FBL: variants seen among roughly 807,000 people sequenced by gnomAD.
FBL encodes fibrillarin rRNA 2'-O-methyltransferase, also known as rRNA 2'-O-methyltransferase fibrillarin.
A neutral mutation model predicts 42.2 loss-of-function variants in FBL; 10 were observed. The ratio of observed to expected loss-of-function variants is 0.24; its 90% CI spans 0.15 to 0.40. FBL has a LOEUF of 0.40. Among genes scored for constraint, FBL ranks in the 10% least tolerant of loss-of-function variants. The pLI is 1.00. For synonymous variants in FBL, 165 were observed against 165.4 expected, an observed-to-expected ratio of 1.00 and a Z score of 0.02; for missense variants, 351 against 439.2, an observed-to-expected ratio of 0.80 and a Z score of 1.79.
At chr19:39,844,966 C>T (rs1969232406) in intron 1 of FBL, among the ~76,000 whole-genome samples, 1 of 152,130 alleles carries the variant, frequency 6.6e-6, no homozygotes, top group African/African-American at 2.4e-5. Flanking sequence ...GAGGGAATCA[C>T]AGACCAGAAT....
Position 39,840,796 on chromosome 19 carries a change from GA to G in FBL, c.11-10del. The G allele has an allele frequency of 6.5e-7, 1 of 1,533,398 alleles. No individual in the cohort carries two copies. The highest frequency in any genetic ancestry group is 8.8e-7 in the Non-Finnish European group (1 of 1,138,324). 95.0% of individuals were successfully genotyped at this position (1,533,398 alleles called of 1,614,324 possible). A position where few individuals can be genotyped will look rare whatever the true frequency, so the allele number is the denominator to read the frequency against. ...CCCACGGGGACTGAATCCTGTGGGG[GA>G]AACAAAACAGGAGTCAGGGCAATGA... On this transcript the variant is annotated splice_polypyrimidine_tract_variant and intron_variant, in intron 1 of 8. Coordinates refer to ENST00000221801, the MANE Select transcript of FBL (RefSeq NM_001436.4). The surrounding 1 kb of genome is among the most constrained non-coding windows in gnomAD (Gnocchi z 4.5).
chr19:39,846,211 C>T, intron 1 of FBL, 80 bp downstream of exon 1: 2 of 1,546,790 alleles, frequency 1.3e-6, no homozygotes, highest in Non-Finnish European at 1.8e-6. Context: ...GGCCAAGGCC[C>T]CACCCCTCCG....
intron 1 of FBL, among the ~76,000 whole-genome samples, chr19:39,842,746 G>A (rs981350691): frequency 1.1e-4 from 16 of 152,030 alleles, no homozygotes; most frequent in African/African-American, 3.9e-4. Context: ...AAATCTTTAG[G>A]CTTTAAATTC....
rs1440119010 is a variant in FBL, at chr19:39,836,685, A to T, written c.683-17T>A. On this transcript the variant is annotated splice_polypyrimidine_tract_variant and intron_variant, in intron 6 of 8. Coordinates refer to ENST00000221801, the MANE Select transcript of FBL (RefSeq NM_001436.4). ...CCACCATTGCTAAGGAGAAAGGAGC[A>T]GCAGTTAAAAGTTGGAGTCACAGGG... 6.2e-7 allele frequency: 1 copy of T among 1,601,090 alleles called. No individual in the cohort carries two copies. Among genetic ancestry groups the T allele is most frequent in the South Asian group, 1.1e-5 (1 of 90,638 alleles).
chr19:39,836,474 G>C, intron 7 of FBL, 82 bp downstream of exon 7: 6 of 860,580 alleles, frequency 7.0e-6, no homozygotes, highest in Non-Finnish European at 1.1e-5. Flanking sequence ...TCTGTTTTGG[G>C]TGGCTATTTG....
In FBL at chr19:39,834,532, T is replaced by C. The variant is rs1968985480; in HGVS notation, c.*6A>G. 3 of 1,614,168 alleles carry C rather than the reference T, an allele frequency of 1.9e-6. No homozygotes were observed. Among genetic ancestry groups the C allele is most frequent in the East Asian group, 2.2e-5 (1 of 44,888 alleles). On this transcript the variant is annotated 3_prime_UTR_variant, in exon 9 of 9. Transcript: ENST00000221801. ...ACATCTCTCGCAATCCTGACAGCGC[T>C]GAACTTCAGTTCTTCACCTTGGGGG...
intron 1 of FBL, among the ~76,000 whole-genome samples, chr19:39,843,585 C>T (rs1158337751): frequency 6.6e-6 from 1 of 152,168 alleles, no homozygotes; most frequent in African/African-American, 2.4e-5. Context: ...GCCTGGCCAA[C>T]ATAGTGAAAC....
In FBL at chr19:39,834,738, T is replaced by C. The variant is rs1051189223; in HGVS notation, c.871A>G (p.Met291Val). The C allele has an allele frequency of 6.2e-6, 10 of 1,614,198 alleles. No individual in the cohort carries two copies. Among genetic ancestry groups the C allele is most frequent in the Non-Finnish European group, 8.5e-6 (10 of 1,180,030 alleles). Residue 291 changes from methionine to valine, a missense_variant, in exon 8 of 9, where the codon ATG becomes GTG. Met to Val is a conservative substitution (Grantham distance 21). Transcript: ENST00000221801. ...AGGGTCAACTGCTCCTGCGGCTTCA[T>C]GTTCTCCTGTTGCATCTTTTTCACT... is the stretch of plus-strand genomic sequence containing the variant. Reference protein sequence around the residue: ...SEVKKMQQENMKPQEQLTLEP... With the variant: ...SEVKKMQQENVKPQEQLTLEP...
intron 1 of FBL, among the ~76,000 whole-genome samples, chr19:39,843,343 G>A (rs1210925588): frequency 6.6e-6 from 1 of 152,174 alleles, no homozygotes; most frequent in African/African-American, 2.4e-5. Flanking sequence ...TCCATCAGAT[G>A]GTGACCAGGG....
At chr19:39,839,696 A>T (rs1363609924) in intron 4 of FBL, among the ~76,000 whole-genome samples, 1 of 151,934 alleles carries the variant, frequency 6.6e-6, no homozygotes, top group Non-Finnish European at 1.5e-5. Context: ...GCAGATTCCA[A>T]ATCAGACCTG....
chr19:39,842,148 C>A (rs571727522), intron 1 of FBL, among the ~76,000 whole-genome samples: 8 of 151,500 alleles, frequency 5.3e-5, no homozygotes, highest in Non-Finnish European at 1.0e-4. Flanking sequence ...TGCAGTGACA[C>A]GATCTCGGCT....
At chr19:39,843,792 C>A (rs1350920506) in intron 1 of FBL, among the ~76,000 whole-genome samples, 4 of 152,066 alleles carry the variant, frequency 2.6e-5, no homozygotes, top group Non-Finnish European at 5.9e-5. Context: ...AAAAAAAATG[C>A]AGTGCTCATC....
At chr19:39,837,591 G>C in intron 6 of FBL, 120 bp downstream of exon 6, 1 of 905,738 alleles carries the variant, frequency 1.1e-6, no homozygotes, top group Non-Finnish European at 1.6e-6. Context: ...TTCTATTCCT[G>C]CAGACTCAAG....
At chr19:39,845,390 G>A (rs1351085908) in intron 1 of FBL, among the ~76,000 whole-genome samples, 1 of 152,084 alleles carries the variant, frequency 6.6e-6, no homozygotes, top group Non-Finnish European at 1.5e-5. Context: ...AATCCTAACT[G>A]GCGCCATTTT....
chr19:39,840,318 A>G lies in FBL; in HGVS notation c.293T>C (p.Ile98Thr). The part of the protein sequence containing the change: ...VEPHRHEGVF[I>T]CRGKEDALVT... ...CAGTGCATCTTCCTTTCCTCGACAA[A>G]TGAAGACACCTGGGTGAGGGGATCA... The change falls in exon 4 of 9, where the codon ATT becomes ACT. Residue 98 changes from isoleucine to threonine, a missense_variant. By Grantham distance (89) the Ile-to-Thr change is moderately conservative. Transcript: ENST00000221801. The surrounding 1 kb of genome is among the most constrained non-coding windows in gnomAD (Gnocchi z 4.5). 6.2e-7 allele frequency: 1 copy of G among 1,613,944 alleles called. No individual in the cohort carries two copies. Among genetic ancestry groups the G allele is most frequent in the Non-Finnish European group, 8.5e-7 (1 of 1,179,922 alleles).
At position 39,836,615 on chromosome 19, in the gene FBL, C is replaced by T. The variant is rs1322576153; in HGVS notation, c.736G>A (p.Val246Met). Residue 246 changes from valine to methionine, a missense_variant, in exon 7 of 9, where the codon GTG becomes ATG. Transcript: ENST00000221801. ...AGGAAGGTGTGGGCATTCAGGGCCA[C>T]AATCCGGGTCTGGTCTGGCTGGGCC... ...DVAQPDQTRI[V>M]ALNAHTFLRN... The T allele has an allele frequency of 1.2e-6, 2 of 1,614,190 alleles. No homozygotes were observed. Among genetic ancestry groups the T allele is most frequent in the African/African-American group, 1.3e-5 (1 of 75,056 alleles).
At position 39,834,556 on chromosome 19, in the gene FBL, G is replaced by A; in HGVS notation, c.948C>T (p.Pro316=). 1.2e-6 allele frequency: 2 copies of A among 1,614,126 alleles called. No individual in the cohort carries two copies. Among genetic ancestry groups the A allele is most frequent in the Non-Finnish European group, 1.7e-6 (2 of 1,180,024 alleles). Residue 316 remains proline, a synonymous_variant, in exon 9 of 9, where the codon CCC becomes CCT. Transcript: ENST00000221801. ...HAVVVGVYRP[P]PKVKN ...CTGAACTTCAGTTCTTCACCTTGGGGGGTGGCCTGTGAGAGGAAGATAGGT... is the reference window on the plus strand; with the variant it reads ...CTGAACTTCAGTTCTTCACCTTGGGAGGTGGCCTGTGAGAGGAAGATAGGT...
At chr19:39,841,376 A>G (rs1246476066) in intron 1 of FBL, among the ~76,000 whole-genome samples, 1 of 152,188 alleles carries the variant, frequency 6.6e-6, no homozygotes, top group Non-Finnish European at 1.5e-5. Flanking sequence ...TGCCCAAGAA[A>G]AGGAGCAAGG....
intron 7 of FBL, among the ~76,000 whole-genome samples, chr19:39,835,377 G>C (rs1969021079): frequency 1.3e-5 from 2 of 152,130 alleles, no homozygotes; most frequent in Non-Finnish European, 1.5e-5. Flanking sequence ...AAATTAGTCG[G>C]GTGTGGTGGC....
Sources: gnomAD v4.1 joint callset for allele counts (sites outside exome capture counted in the v4.1 genomes callset) on GRCh38, gnomAD v4.1.1 for gene constraint, Gnocchi (gnomAD v3.1) non-coding constraint, MANE v1.5 for transcripts, NCBI Gene and HGNC (gene_info 2026-07-23, HGNC 2026-07-21) for gene names.